MYH14: variants seen among roughly 807,000 people sequenced by gnomAD.
The protein encoded by MYH14 is myosin heavy chain 14.
A neutral mutation model predicts 255.5 loss-of-function variants in MYH14; 123 were observed. The observed-to-expected ratio is 0.48, with a 90% CI of 0.42 to 0.56. The LOEUF is 0.56. Ranked by LOEUF, MYH14 falls within the 20% of genes least tolerant of loss-of-function variation. MYH14 has a pLI of 0.00. For synonymous variants in MYH14, 1,095 were observed against 1,161.2 expected, an observed-to-expected ratio of 0.94 and a Z score of 1.16; for missense variants, 2,423 against 2,802.3, an observed-to-expected ratio of 0.86 and a Z score of 3.06.
In MYH14 at chr19:50,276,119, G is replaced by A. The variant is rs764380281; in HGVS notation, c.3596G>A (p.Arg1199His). 1.7e-5 allele frequency: 27 copies of A among 1,598,610 alleles called. No individual in the cohort carries two copies. The highest frequency in any genetic ancestry group is 1.3e-5 in the African/African-American group (1 of 74,666). The change falls in exon 28 of 43, where the codon CGC (arginine) becomes CAC (histidine). Residue 1199 changes from arginine (R) to histidine (H), a missense_variant. Physicochemically the swap from Arg to His is conservative, Grantham distance 29. Around this residue, in one of 3 missense-constraint regions of MYH14, gnomAD observed 1,513 missense variants for 1,674.8 expected, o/e 0.90. Coordinates refer to ENST00000642316, the MANE Select transcript of MYH14 (RefSeq NM_001145809.2). This position sits in a 1 kb window ranked among gnomAD's most constrained non-coding sequence, Gnocchi z 4.3. ...GCCAGGACCAAGGCGGAGAAGCAGC[G>A]CCGGGACCTGGGCGAGGAGCTGGAG... ...RVARTKAEKQRRDLGEELEAL... is the reference protein window; with the variant it reads ...RVARTKAEKQHRDLGEELEAL...
Position 50,293,512 on chromosome 19 carries a change from C to A in MYH14, c.5346-52C>A. ...GGGTCCTGTAGTGTGAGGCAAGGCA[C>A]CCTCCTCTGACCATCCTGTCCTTTC... On this transcript the variant is annotated intron_variant, in intron 38 of 42. Transcript: ENST00000642316. The surrounding 1 kb of genome is among the most constrained non-coding windows in gnomAD (Gnocchi z 4.1). The A allele has an allele frequency of 1.2e-6, 2 of 1,605,400 alleles. No individual in the cohort carries two copies. The highest frequency in any genetic ancestry group is 1.7e-6 in the Non-Finnish European group (2 of 1,176,604).
chr19:50,259,088 T>A (rs1371463275), intron 18 of MYH14, 56 bp from the exon 19 acceptor site: 1 of 1,524,510 alleles, frequency 6.6e-7, no homozygotes, highest in Non-Finnish European at 8.8e-7. Context: ...AGCTTGACCG[T>A]TTGGCGCCCC....
In MYH14 at chr19:50,307,094, G is replaced by T. The variant is rs1213537016; in HGVS notation, c.5724G>T (p.Arg1908=). ...AGCTGGTGCGCAGAGCTGAGAAGCG[G>T]CTTAAAGAGGTGGTGCTCCAGGTGG... ...SGKLVRRAEK[R]LKEVVLQVEE... The change falls in exon 41 of 43, where the codon CGG becomes CGT. Residue 1908 remains arginine (R), a synonymous_variant. Coordinates refer to ENST00000642316, the MANE Select transcript of MYH14 (RefSeq NM_001145809.2). 10 of 1,551,062 alleles carry T rather than the reference G, an allele frequency of 6.4e-6. No homozygotes were observed. The highest frequency in any genetic ancestry group is 2.0e-5 in the Admixed American group (1 of 51,004).
chr19:50,291,053 G>C lies in MYH14; in HGVS notation c.5127+5G>C. 2 of 1,611,974 alleles carry C rather than the reference G, an allele frequency of 1.2e-6. No individual in the cohort carries two copies. Among genetic ancestry groups the C allele is most frequent in the African/African-American group, 1.3e-5 (1 of 75,022 alleles). ...AAGCAGCTTCGCAAGATGCAGGTAA[G>C]AGCCGGCGTGAGCTGCAGGGAGGGG... On this transcript the variant is annotated splice_donor_5th_base_variant and intron_variant, in intron 36 of 42. Coordinates refer to ENST00000642316, the MANE Select transcript of MYH14 (RefSeq NM_001145809.2).
chr19:50,258,721 C>CAAA (rs1160071813), intron 18 of MYH14: 53 of 33,680 alleles, frequency 1.6e-3, no homozygotes, highest in Non-Finnish European at 1.7e-3. Context: ...GACTCTGTCT[C>CAAA]AAAAAAAAAA....
chr19:50,253,442 C>CAAA (rs35465096), intron 16 of MYH14, among the ~76,000 whole-genome samples: 1 of 118,544 alleles, frequency 8.4e-6, no homozygotes, highest in Non-Finnish European at 1.9e-5. Context: ...GACTCTGTCC[C>CAAA]AAAAAAAAAA....
intron 40 of MYH14, among the ~76,000 whole-genome samples, chr19:50,304,239 T>C (rs892066670): frequency 3.9e-5 from 6 of 152,214 alleles, no homozygotes; most frequent in African/African-American, 1.4e-4. Context: ...ATATTATACA[T>C]CAAATTTATA....
In MYH14 at chr19:50,275,996, A is replaced by C. The variant is rs1394449118; in HGVS notation, c.3473A>C (p.Glu1158Ala). The stretch of plus-strand genomic sequence containing the variant: ...ACGGTTCTTGTCACCCCCAGGGCAG[A>C]AGACGAGGGTGGGGCCCGGGCCCAG... Reference protein sequence around the residue: ...EELQAALARAEDEGGARAQLL... With the variant: ...EELQAALARAADEGGARAQLL... Residue 1158 changes from glutamate (E) to alanine (A), a missense_variant, in exon 28 of 43, where the codon GAA (glutamate) becomes GCA (alanine). Physicochemically the swap from Glu to Ala is moderately radical, Grantham distance 107. This residue lies in a region of MYH14 where 1,513 missense variants were observed against 1,674.8 expected (regional missense o/e 0.90). Coordinates refer to ENST00000642316, the MANE Select transcript of MYH14 (RefSeq NM_001145809.2). 6.2e-7 allele frequency: 1 copy of C among 1,612,166 alleles called. No individual in the cohort carries two copies. The highest frequency in any genetic ancestry group is 8.5e-7 in the Non-Finnish European group (1 of 1,179,250).
rs2035356366 is a variant in MYH14 at position 50,272,743 on chromosome 19, G to T, written c.3467+12G>T. 6.5e-7 allele frequency: 1 copy of T among 1,549,094 alleles called. No individual in the cohort carries two copies. The highest frequency in any genetic ancestry group is 8.7e-7 in the Non-Finnish European group (1 of 1,146,750). On this transcript the variant is annotated intron_variant, in intron 27 of 42. Transcript: ENST00000642316. ...GCTGCCCTGGCCAGGTGCAGGGTGG[G>T]GTGGGCTTGGTGGGGTAAGCAGCAT...
At chr19:50,213,680 C>G (rs944434628) in intron 2 of MYH14, among the ~76,000 whole-genome samples, 1 of 152,062 alleles carries the variant, frequency 6.6e-6, no homozygotes, top group Admixed American at 6.6e-5. Context: ...TCTTATTGAC[C>G]CCCTCCCCAT....
chr19:50,239,629 A>AAGCTC (rs2033811132), intron 10 of MYH14, among the ~76,000 whole-genome samples: 1 of 151,960 alleles, frequency 6.6e-6, no homozygotes, highest in Non-Finnish European at 1.5e-5. Flanking sequence ...CGCTCACTGC[A>AAGCTC]AGCTCCGCCT....
At chr19:50,212,816 G>A (rs987062084) in intron 2 of MYH14, among the ~76,000 whole-genome samples, 1 of 152,030 alleles carries the variant, frequency 6.6e-6, no homozygotes, top group African/African-American at 2.4e-5. Context: ...AGTCTGCACT[G>A]GCCCTTTCCA....
At chr19:50,286,161 T>TAA in intron 33 of MYH14, 1 of 204,924 alleles carries the variant, frequency 4.9e-6, no homozygotes, top group Non-Finnish European at 9.8e-6. Context: ...TACTGTGTCT[T>TAA]AAAAAAAAAC....
chr19:50,269,345 A>G (rs948223972), intron 24 of MYH14, among the ~76,000 whole-genome samples: 4 of 151,934 alleles, frequency 2.6e-5, no homozygotes, highest in Admixed American at 6.6e-5. Context: ...ATGCCCAGCT[A>G]ATGTTTTTTT....
In MYH14 at chr19:50,252,650, G is replaced by A. The variant is rs1441478025; in HGVS notation, c.1842G>A (p.Lys614=). The part of the protein sequence containing the change: ...VLHYAGKVDY[K]ANEWLMKNMD... ...CTGACTTCATTCAGGTCGACTACAA[G>A]GCCAACGAGTGGCTGATGAAAAACA... Residue 614 remains lysine (K), a synonymous_variant, in exon 16 of 43, where the codon AAG becomes AAA. Coordinates refer to ENST00000642316, the MANE Select transcript of MYH14 (RefSeq NM_001145809.2). The surrounding 1 kb of genome is among the most constrained non-coding windows in gnomAD (Gnocchi z 4.2). 3 of 1,590,930 alleles carry A rather than the reference G, an allele frequency of 1.9e-6. No homozygotes were observed. The highest frequency in any genetic ancestry group is 2.6e-6 in the Non-Finnish European group (3 of 1,169,020).
intron 34 of MYH14, among the ~76,000 whole-genome samples, chr19:50,289,070 A>G (rs1033767081): frequency 6.6e-6 from 1 of 152,132 alleles, no homozygotes; most frequent in African/African-American, 2.4e-5. Flanking sequence ...CCATTCGCAC[A>G]GAATTCCCAA....
intron 3 of MYH14, among the ~76,000 whole-genome samples, chr19:50,219,270 T>C (rs2032679945): frequency 6.6e-6 from 1 of 151,758 alleles, no homozygotes; most frequent in Non-Finnish European, 1.5e-5. Flanking sequence ...CTTTTTCATA[T>C]AATAGCTTCT....
chr19:50,303,151 G>C (rs1027057843), intron 40 of MYH14, among the ~76,000 whole-genome samples: 1 of 152,156 alleles, frequency 6.6e-6, no homozygotes, highest in African/African-American at 2.4e-5. Context: ...TGGCTAGTAA[G>C]TTCTGCTCAT....
intron 11 of MYH14, among the ~76,000 whole-genome samples, chr19:50,245,953 TC>T (rs2034100187): frequency 2.1e-5 from 1 of 46,964 alleles, no homozygotes; most frequent in Non-Finnish European, 4.6e-5. Context: ...CCTCCCTCCC[TC>T]CCTCCCTCCT....
Sources: allele counts gnomAD v4.1 joint callset (sites outside exome capture counted in the v4.1 genomes callset), GRCh38; gene constraint gnomAD v4.1.1; regional missense constraint gnomAD v4.1.1; non-coding constraint Gnocchi (gnomAD v3.1); transcripts MANE v1.5; gene names NCBI Gene and HGNC (gene_info 2026-07-23, HGNC 2026-07-21).